CBLIF: variants seen among roughly 807,000 people sequenced by gnomAD.
The protein encoded by CBLIF is cobalamin binding intrinsic factor.
CBLIF carries 24 observed loss-of-function variants against 44.9 expected under a neutral mutation model. The ratio of observed to expected loss-of-function variants is 0.53; its 90% CI spans 0.39 to 0.75. CBLIF has a LOEUF of 0.75. CBLIF is among the 30% of genes least tolerant of loss of function. The pLI, the probability that CBLIF is intolerant of heterozygous loss-of-function variation, is 0.00. For missense variants in CBLIF, 481 were observed against 513.0 expected (o/e 0.94, Z 0.60); for synonymous variants, 183 against 190.9 (o/e 0.96, Z 0.34).
intron 7 of CBLIF, among the ~76,000 whole-genome samples, chr11:59,835,428 G>A (rs1866440458): frequency 6.6e-6 from 1 of 151,966 alleles, no homozygotes; most frequent in Admixed American, 6.6e-5. Flanking sequence ...GCCTCCCAAA[G>A]TGTTGGGATT....
At chr11:59,835,768 A>G (rs910148085) in intron 7 of CBLIF, 40 bp downstream of exon 7, 7 of 1,440,742 alleles carry the variant, frequency 4.9e-6, no homozygotes, top group Non-Finnish European at 6.9e-6. Context: ...AATTCAGATC[A>G]GGCCTTGAGA....
chr11:59,841,916 A>G (rs1866535204), intron 4 of CBLIF, among the ~76,000 whole-genome samples: 1 of 152,156 alleles, frequency 6.6e-6, no homozygotes, highest in Non-Finnish European at 1.5e-5. Context: ...AAAAGCTTCT[A>G]TTCACAAGCA....
chr11:59,835,773 T>C (rs1565207948), intron 7 of CBLIF, 35 bp downstream of exon 7: 1 of 1,500,608 alleles, frequency 6.7e-7, no homozygotes. Context: ...AGATCAGGCC[T>C]TGAGAGAATG....
intron 5 of CBLIF, among the ~76,000 whole-genome samples, chr11:59,837,846 T>C (rs1410224792): frequency 6.6e-6 from 1 of 152,192 alleles, no homozygotes. Context: ...CACCATCCCC[T>C]TGATGACAGT....
chr11:59,831,824 A>G (rs772045892), intron 7 of CBLIF, 28 bp from the exon 8 acceptor site: 1 of 1,023,206 alleles, frequency 9.8e-7, no homozygotes, highest in South Asian at 1.3e-5. Flanking sequence ...TATGATTAAC[A>G]TCTCACTTTA....
chr11:59,842,670 A>C, intron 3 of CBLIF, 87 bp from the exon 4 acceptor site: 1 of 1,391,900 alleles, frequency 7.2e-7, no homozygotes. Flanking sequence ...GCCTTTGAAA[A>C]GGAAATTGCT....
chr11:59,842,562 G>T lies in CBLIF; in HGVS notation c.392C>A (p.Ala131Asp). Residue 131 changes from alanine to aspartate, a missense_variant, in exon 4 of 9, where the codon GCC (alanine) becomes GAC (aspartate). By Grantham distance (126) the Ala-to-Asp change is moderately radical. Transcript: ENST00000257248. The stretch of plus-strand genomic sequence containing the variant: ...GATCGCTAGACTGGGCCCATAGAAG[G>T]CTGATGCTTCAGCGTTGGGGCCTCC... ...APSSPNAEASAFYGPSLAILA... is the reference protein window; with the variant it reads ...APSSPNAEASDFYGPSLAILA... 1 of 1,613,976 alleles carries T rather than the reference G, an allele frequency of 6.2e-7. No homozygotes were observed. The highest frequency in any genetic ancestry group is 8.5e-7 in the Non-Finnish European group (1 of 1,179,944).
chr11:59,839,493 G>T (rs988157105), intron 5 of CBLIF, among the ~76,000 whole-genome samples: 2 of 152,166 alleles, frequency 1.3e-5, no homozygotes, highest in African/African-American at 2.4e-5. Flanking sequence ...TTCAATATTT[G>T]TCTGAGATGG....
intron 1 of CBLIF, among the ~76,000 whole-genome samples, chr11:59,844,612 G>A (rs1866582564): frequency 6.6e-6 from 1 of 152,126 alleles, no homozygotes; most frequent in Admixed American, 6.5e-5. Flanking sequence ...AAGCAATATG[G>A]CTCATGACAT....
intron 7 of CBLIF, among the ~76,000 whole-genome samples, chr11:59,834,258 T>TTC (rs767725728): frequency 9.2e-6 from 1 of 108,210 alleles, no homozygotes; most frequent in African/African-American, 3.6e-5. Flanking sequence ...CTTTCTTTCT[T>TTC]TCTTTCTTTC....
At chr11:59,830,705 A>G (rs1866362826) in intron 8 of CBLIF, among the ~76,000 whole-genome samples, 1 of 152,194 alleles carries the variant, frequency 6.6e-6, no homozygotes, top group African/African-American at 2.4e-5. Context: ...GTACTTAATC[A>G]TTCTAAGTAT....
At chr11:59,834,240 T>TTCTCTTTCTTTCTTTC (rs1424638091) in intron 7 of CBLIF, among the ~76,000 whole-genome samples, 1 of 115,242 alleles carries the variant, frequency 8.7e-6, no homozygotes, top group Non-Finnish European at 1.8e-5. Context: ...CTTTCTTTCT[T>TTCTCTTTCTTTCTTTC]TTTCTTTCTT....
At chr11:59,838,647 C>T (rs1185506134) in intron 5 of CBLIF, among the ~76,000 whole-genome samples, 1 of 152,136 alleles carries the variant, frequency 6.6e-6, no homozygotes, top group African/African-American at 2.4e-5. Flanking sequence ...CTTTAAGGGC[C>T]ATCAGGTGGG....
intron 4 of CBLIF, 77 bp downstream of exon 4, chr11:59,842,366 C>T: frequency 1.3e-6 from 2 of 1,519,304 alleles, no homozygotes; most frequent in Non-Finnish European, 1.8e-6. Context: ...TCTCCTTTGT[C>T]ACTTCCCTGC....
At chr11:59,832,914 A>G (rs1866390787) in intron 7 of CBLIF, among the ~76,000 whole-genome samples, 1 of 152,222 alleles carries the variant, frequency 6.6e-6, no homozygotes, top group Non-Finnish European at 1.5e-5. Context: ...GTAACACAGG[A>G]AACTACTTAT....
chr11:59,842,703 GAC>G (rs1565210074), intron 3 of CBLIF, 120 bp from the exon 4 acceptor site: 14 of 957,946 alleles, frequency 1.5e-5, no homozygotes, highest in African/African-American at 1.6e-5. Context: ...CCCAAAGAGA[GAC>G]ACAGCATAGG....
At chr11:59,834,307 T>C (rs7128187) in intron 7 of CBLIF, among the ~76,000 whole-genome samples, 9,541 of 43,618 alleles carry the variant, frequency 0.22, 366 homozygotes, top group African/African-American at 0.25. Flanking sequence ...TTTCTTTCTT[T>C]CTTTCTTCCT....
At chr11:59,841,933 T>C (rs772728394) in intron 4 of CBLIF, among the ~76,000 whole-genome samples, 14 of 152,128 alleles carry the variant, frequency 9.2e-5, no homozygotes, top group Non-Finnish European at 1.9e-4. Context: ...AGCAGCCATA[T>C]GCTTGCAGAA....
intron 7 of CBLIF, among the ~76,000 whole-genome samples, chr11:59,832,829 G>T (rs969026820): frequency 1.3e-5 from 2 of 152,122 alleles, no homozygotes; most frequent in African/African-American, 4.8e-5. Context: ...ATGGGTAAAT[G>T]ATTATATGAG....
Sources: allele counts gnomAD v4.1 joint callset (sites outside exome capture counted in the v4.1 genomes callset), GRCh38; gene constraint gnomAD v4.1.1; transcripts MANE v1.5; gene names NCBI Gene and HGNC (gene_info 2026-07-23, HGNC 2026-07-21).